The following GRID2 variants were observed in gnomAD, a reference collection of about 807,000 sequenced individuals.
The protein encoded by GRID2 is glutamate ionotropic receptor delta type subunit 2.
A neutral mutation model predicts 114.8 loss-of-function variants in GRID2; 33 were observed. That is an observed-to-expected ratio of 0.29 (90% CI 0.22 to 0.38). GRID2 has a LOEUF of 0.38. GRID2 is among the 10% of genes least tolerant of loss of function. The probability of loss-of-function intolerance (pLI) is 1.00; values close to 1 mark genes in which losing one functional copy is unlikely to be tolerated. For missense variants in GRID2, 1,184 were observed against 1,257.7 expected, an observed-to-expected ratio of 0.94 and a Z score of 0.89; for synonymous variants, 505 against 449.9, an observed-to-expected ratio of 1.12 and a Z score of -1.55.
At chr4:93,255,096 C>T (rs938078047) in intron 8 of GRID2, among the ~76,000 whole-genome samples, 15 of 152,078 alleles carry the variant, frequency 9.9e-5, no homozygotes, top group African/African-American at 3.1e-4. Flanking sequence ...TTATAGCTCT[C>T]GTGTTAGCTG....
intron 4 of GRID2, among the ~76,000 whole-genome samples, chr4:93,175,093 T>C (rs1211665664): frequency 2.6e-5 from 4 of 152,336 alleles, no homozygotes; most frequent in Admixed American, 2.0e-4. Context: ...ACTAGCAATA[T>C]GTGGGTGACA....
intron 9 of GRID2, among the ~76,000 whole-genome samples, chr4:93,407,635 T>C (rs1389387108): frequency 1.3e-5 from 2 of 152,006 alleles, no homozygotes; most frequent in African/African-American, 4.8e-5. Context: ...CTCTAGGTGA[T>C]GGAAGTTAGC....
At chr4:93,185,257 T>C (rs529796664) in intron 4 of GRID2, among the ~76,000 whole-genome samples, 1 of 152,302 alleles carries the variant, frequency 6.6e-6, no homozygotes, top group East Asian at 1.9e-4. Context: ...CAGTCCTCTA[T>C]GTGGTAAGAA....
intron 2 of GRID2, among the ~76,000 whole-genome samples, chr4:92,800,312 G>T (rs1740090411): frequency 6.6e-6 from 1 of 151,128 alleles, no homozygotes; most frequent in Non-Finnish European, 1.5e-5. Context: ...ATTAACAAAA[G>T]AGAAAGGAAG....
chr4:93,345,712 T>C (rs1318784931), intron 8 of GRID2, among the ~76,000 whole-genome samples: 2 of 152,108 alleles, frequency 1.3e-5, no homozygotes, highest in African/African-American at 4.8e-5. Context: ...AAAAAAATCC[T>C]TGCCCAGATC....
At chr4:92,926,805 T>C (rs1216624324) in intron 2 of GRID2, among the ~76,000 whole-genome samples, 3 of 151,868 alleles carry the variant, frequency 2.0e-5, no homozygotes, top group Non-Finnish European at 4.4e-5. Context: ...TGCAGCATCA[T>C]ATCATGGCAG....
chr4:93,488,495 A>T (rs554541788), intron 11 of GRID2, among the ~76,000 whole-genome samples: 1 of 152,096 alleles, frequency 6.6e-6, no homozygotes, highest in African/African-American at 2.4e-5. Flanking sequence ...GCCTGATATT[A>T]TAGTAAATCG....
intron 14 of GRID2, among the ~76,000 whole-genome samples, chr4:93,664,519 A>G (rs1287169968): frequency 6.6e-6 from 1 of 152,202 alleles, no homozygotes; most frequent in Non-Finnish European, 1.5e-5. Context: ...AGAATTTGCT[A>G]ACATGTTGGA....
chr4:92,866,710 A>T (rs1338656189), intron 2 of GRID2, among the ~76,000 whole-genome samples: 1 of 142,966 alleles, frequency 7.0e-6, no homozygotes, highest in Non-Finnish European at 1.5e-5. Flanking sequence ...TGCCCGGCTA[A>T]TTTTTTTTTT....
chr4:93,206,945 C>T (rs901799573), intron 4 of GRID2, among the ~76,000 whole-genome samples: 6 of 151,956 alleles, frequency 3.9e-5, no homozygotes, highest in Non-Finnish European at 8.8e-5. Context: ...CAGTAGAAAG[C>T]ATATACACAG....
rs140577597 is a variant in GRID2 at position 92,549,382 on chromosome 4, G to T, written c.89-40749G>T. ...TGTCACCATGTTGTATTCATATTTA[G>T]TCTTCTTCTCTCTAGGAAGTGATCT... On this transcript the variant is annotated intron_variant, in intron 1 of 15. Transcript: ENST00000282020. 1.4e-4 allele frequency among the ~76,000 whole-genome samples: 21 copies of T among 152,226 alleles called. No individual in the cohort carries two copies. The East Asian group carries it at 3.9e-3, about 28-fold the overall frequency.
chr4:92,921,387 G>T (rs1016826061), intron 2 of GRID2, among the ~76,000 whole-genome samples: 7 of 152,264 alleles, frequency 4.6e-5, no homozygotes, highest in Admixed American at 2.0e-4. Context: ...TTCCATTGCT[G>T]TTGAGGAGCT....
intron 13 of GRID2, among the ~76,000 whole-genome samples, chr4:93,592,352 T>C (rs191773598): frequency 1.3e-5 from 2 of 152,226 alleles, no homozygotes; most frequent in African/African-American, 4.8e-5. Context: ...TCAGTTTCCA[T>C]GTAGATGAGC....
chr4:92,799,089 C>A (rs1430601692), intron 2 of GRID2, among the ~76,000 whole-genome samples: 1 of 151,880 alleles, frequency 6.6e-6, no homozygotes, highest in Non-Finnish European at 1.5e-5. Flanking sequence ...CACTTTATTT[C>A]CATTATTATT....
Position 92,824,183 on chromosome 4 carries a change from C to T in GRID2, c.244+233897C>T, listed in dbSNP as rs192773662. On this transcript the variant is annotated intron_variant, in intron 2 of 15. Transcript: ENST00000282020. ...AAGACGTAGATAAAGGCATTTTTGC[C>T]TGCTTAGGCTGAGGTTCTCTTCCTT... is the stretch of plus-strand genomic sequence containing the variant. Among the ~76,000 whole-genome samples the T allele has an allele frequency of 1.2e-3, 183 of 152,198 alleles. 1 individual carries two copies. Among genetic ancestry groups the T allele is most frequent in the African/African-American group, 4.1e-3 (170 of 41,552 alleles).
chr4:93,312,127 C>T (rs569650882), intron 8 of GRID2, among the ~76,000 whole-genome samples: 1 of 152,164 alleles, frequency 6.6e-6, no homozygotes. Flanking sequence ...TTCCTTGTGT[C>T]TATTGATTCT....
intron 2 of GRID2, among the ~76,000 whole-genome samples, chr4:92,704,093 G>A (rs1413880329): frequency 3.9e-5 from 6 of 152,046 alleles, no homozygotes; most frequent in African/African-American, 7.2e-5. Flanking sequence ...TGGCTAACAC[G>A]GTAAAACCCC....
intron 14 of GRID2, among the ~76,000 whole-genome samples, chr4:93,728,838 G>T (rs1043464240): frequency 6.6e-6 from 1 of 151,916 alleles, no homozygotes; most frequent in Non-Finnish European, 1.5e-5. Flanking sequence ...CCATTTGCTT[G>T]GTAGATCTTC....
chr4:92,554,215 T>A (rs1394687743), intron 1 of GRID2, among the ~76,000 whole-genome samples: 1 of 152,228 alleles, frequency 6.6e-6, no homozygotes, highest in African/African-American at 2.4e-5. Context: ...CATAACTTTA[T>A]ATACGTATAC....
Sources: allele counts gnomAD v4.1 joint callset (sites outside exome capture counted in the v4.1 genomes callset), GRCh38; gene constraint gnomAD v4.1.1; transcripts MANE v1.5; gene names NCBI Gene and HGNC (gene_info 2026-07-23, HGNC 2026-07-21).